SEC14L2: variants seen among roughly 807,000 people sequenced by gnomAD.
SEC14L2 encodes the protein SEC14 like lipid binding 2, also known as SEC14-like protein 2.
In SEC14L2, 50 loss-of-function variants were observed where a neutral mutation model predicts 56.9. That is an observed-to-expected ratio of 0.88 (90% CI 0.70 to 1.11). The LOEUF (loss-of-function observed/expected upper bound fraction) is 1.11, where lower values mean the gene tolerates loss of function less well. Among genes scored for constraint, SEC14L2 ranks in the 50% most tolerant of loss-of-function variants. The pLI, the probability that SEC14L2 is intolerant of heterozygous loss-of-function variation, is 0.00. For missense variants in SEC14L2, 414 were observed against 500.7 expected (o/e 0.83, Z 1.65); for synonymous variants, 179 against 188.5 (o/e 0.95, Z 0.41).
intron 1 of SEC14L2, among the ~76,000 whole-genome samples, chr22:30,399,275 A>G (rs1039619464): frequency 6.6e-6 from 1 of 152,106 alleles, no homozygotes; most frequent in Non-Finnish European, 1.5e-5. Context: ...CCAGCACTTT[A>G]GACCGAGATG....
intron 8 of SEC14L2, among the ~76,000 whole-genome samples, chr22:30,415,126 CTTTATGG>C (rs1934352465): frequency 6.6e-6 from 1 of 152,100 alleles, no homozygotes; most frequent in Non-Finnish European, 1.5e-5. Context: ...GTATAAGGCA[CTTTATGG>C]TTTAAAAAGC....
chr22:30,401,325 T>G (rs1324721497), intron 2 of SEC14L2, among the ~76,000 whole-genome samples: 1 of 150,556 alleles, frequency 6.6e-6, no homozygotes, highest in Non-Finnish European at 1.5e-5. Flanking sequence ...TTCTTCTGCC[T>G]CAGCCTCCTG....
Position 30,424,384 on chromosome 22 carries a change from C to T in SEC14L2, c.*1977C>T. On this transcript the variant is annotated 3_prime_UTR_variant, in exon 12 of 12. Transcript: ENST00000615189. ...CAGCTCAGCTTGAGGTAACTGCTGA[C>T]CGGACTGTCCTATACAGCCCTACAA... The T allele has an allele frequency of 5.4e-6, 1 of 183,810 alleles. No homozygotes were observed. The highest frequency in any genetic ancestry group is 1.2e-5 in the Non-Finnish European group (1 of 85,256). 11.4% of individuals were successfully genotyped at this position (183,810 alleles called of 1,614,324 possible).
chr22:30,414,763 T>TA (rs1569210422), intron 8 of SEC14L2, among the ~76,000 whole-genome samples: 40 of 150,764 alleles, frequency 2.7e-4, no homozygotes, highest in African/African-American at 3.9e-4. Context: ...CTTGGGTATT[T>TA]TAAAAAAAAA....
rs918259518 is a variant in SEC14L2 at position 30,424,767 on chromosome 22, A to G, written c.*2360A>G. ...CCAACGCCGCTCAATTATACCCGCC[A>G]AGGAGTCACAGAGACTTAGTGAAGT... is the stretch of plus-strand genomic sequence containing the variant. On this transcript the variant is annotated 3_prime_UTR_variant, in exon 12 of 12. Coordinates refer to ENST00000615189, the MANE Select transcript of SEC14L2 (RefSeq NM_012429.5). 2.2e-6 allele frequency: 1 copy of G among 456,638 alleles called. No individual in the cohort carries two copies. The highest frequency in any genetic ancestry group is 2.0e-5 in the African/African-American group (1 of 50,152). The allele number at this position is 456,638 out of a possible 1,614,324, so 28.3% of individuals were successfully genotyped here. A position where few individuals can be genotyped will look rare whatever the true frequency, so the allele number is the denominator to read the frequency against.
Position 30,425,221 on chromosome 22 carries a change from G to A in SEC14L2, c.*2814G>A, listed in dbSNP as rs906676907. On this transcript the variant is annotated 3_prime_UTR_variant, in exon 12 of 12. Transcript: ENST00000615189. ...AACGGGCTCCCAGGCTGGTGGGAGGGTTTCAGGTGTAAGACATGGAGAGTC... is the reference window on the plus strand; with the variant it reads ...AACGGGCTCCCAGGCTGGTGGGAGGATTTCAGGTGTAAGACATGGAGAGTC... 2 of 204,050 alleles carry A rather than the reference G, an allele frequency of 9.8e-6. No individual in the cohort carries two copies. 12.6% of individuals were successfully genotyped at this position (204,050 alleles called of 1,614,324 possible). A position where few individuals can be genotyped will look rare whatever the true frequency, so the allele number is the denominator to read the frequency against.
At chr22:30,406,846 G>A (rs902941743) in intron 3 of SEC14L2, among the ~76,000 whole-genome samples, 5 of 152,130 alleles carry the variant, frequency 3.3e-5, no homozygotes, top group Admixed American at 6.6e-5. Flanking sequence ...TCCGCCTCCC[G>A]GGTTCAAGTG....
At chr22:30,411,115 A>G (rs1478177009) in intron 8 of SEC14L2, among the ~76,000 whole-genome samples, 1 of 152,120 alleles carries the variant, frequency 6.6e-6, no homozygotes, top group Admixed American at 6.5e-5. Flanking sequence ...AATAAAAAAT[A>G]GCTGGGCATA....
At chr22:30,403,403 GTC>G (rs1007132967) in intron 2 of SEC14L2, among the ~76,000 whole-genome samples, 4 of 152,212 alleles carry the variant, frequency 2.6e-5, no homozygotes, top group Non-Finnish European at 5.9e-5. Flanking sequence ...GCGGGTCTGA[GTC>G]TCTGCATTTT....
intron 2 of SEC14L2, 133 bp from the exon 3 acceptor site, chr22:30,406,209 A>AG (rs1323966244): frequency 1.3e-6 from 1 of 760,488 alleles, no homozygotes. Flanking sequence ...TTCTGCTTGT[A>AG]GGATGGTCTG....
intron 1 of SEC14L2, chr22:30,397,961 T>C (rs1933805806): frequency 4.4e-6 from 2 of 459,306 alleles, no homozygotes; most frequent in Non-Finnish European, 8.9e-6. Flanking sequence ...ATCTCTTATC[T>C]GTCACCCCTG....
rs576176513 is a variant in SEC14L2, at chr22:30,408,901, G to A, written c.424-286G>A. On this transcript the variant is annotated intron_variant, in intron 5 of 11. Transcript: ENST00000615189. ...CACAGAGCACACAGTGACTCAGGAAGGGGGAGGCCATCAGGCCAAACTGCA... is the reference window on the plus strand; with the variant it reads ...CACAGAGCACACAGTGACTCAGGAAAGGGGAGGCCATCAGGCCAAACTGCA... 1.1e-4 allele frequency: 51 copies of A among 478,108 alleles called. No individual in the cohort carries two copies. The East Asian group carries it at 1.9e-3, about 18-fold the overall frequency. The allele number at this position is 478,108 out of a possible 1,614,324, so 29.6% of individuals were successfully genotyped here. A position where few individuals can be genotyped will look rare whatever the true frequency, so the allele number is the denominator to read the frequency against.
chr22:30,406,260 C>A, intron 2 of SEC14L2, 82 bp from the exon 3 acceptor site: 1 of 1,374,034 alleles, frequency 7.3e-7, no homozygotes, highest in South Asian at 1.2e-5. Flanking sequence ...CTGGCCCTAT[C>A]ATGGGAATAT....
At chr22:30,405,981 T>C (rs1934081666) in intron 2 of SEC14L2, among the ~76,000 whole-genome samples, 2 of 152,060 alleles carry the variant, frequency 1.3e-5, no homozygotes, top group Admixed American at 6.6e-5. Context: ...GAGATAAACT[T>C]TGTGCAAGGG....
intron 1 of SEC14L2, 61 bp from the exon 2 acceptor site, chr22:30,399,582 C>A: frequency 8.1e-7 from 1 of 1,231,720 alleles, no homozygotes. Context: ...GTGGAGAGTC[C>A]TAGGCAGAGG....
chr22:30,402,069 C>T (rs945329682), intron 2 of SEC14L2, among the ~76,000 whole-genome samples: 2 of 152,194 alleles, frequency 1.3e-5, no homozygotes, highest in African/African-American at 4.8e-5. Context: ...GGAAGTGTCA[C>T]TTGCCCCTTT....
intron 11 of SEC14L2, among the ~76,000 whole-genome samples, chr22:30,417,190 T>C (rs983807506): frequency 6.6e-6 from 1 of 152,200 alleles, no homozygotes; most frequent in Non-Finnish European, 1.5e-5. Flanking sequence ...AAACACAGCA[T>C]GTATGGTATG....
chr22:30,404,720 T>TG (rs367699021), intron 2 of SEC14L2, among the ~76,000 whole-genome samples: 161 of 152,238 alleles, frequency 1.1e-3, no homozygotes, highest in African/African-American at 3.4e-3. Flanking sequence ...GAAAAGGATT[T>TG]GGGGGGTTTC....
At chr22:30,407,266 T>C in intron 4 of SEC14L2, 112 bp downstream of exon 4, 1 of 1,442,548 alleles carries the variant, frequency 6.9e-7, no homozygotes, top group Non-Finnish European at 9.7e-7. Flanking sequence ...CAATGCCCAC[T>C]GAGCCCTGAT....
Sources: gnomAD v4.1 joint callset for allele counts (sites outside exome capture counted in the v4.1 genomes callset) on GRCh38, gnomAD v4.1.1 for gene constraint, MANE v1.5 for transcripts, NCBI Gene and HGNC (gene_info 2026-07-23, HGNC 2026-07-21) for gene names.